Variants in ZNF100 observed in about 807,000 individuals in gnomAD.
ZNF100 encodes the protein zinc finger protein 100.
ZNF100 carries 12 observed loss-of-function variants against 15.8 expected under a neutral mutation model. The ratio of observed to expected loss-of-function variants is 0.76; its 90% CI spans 0.49 to 1.23. The LOEUF (loss-of-function observed/expected upper bound fraction) is 1.23, where lower values mean the gene tolerates loss of function less well. Ranked by LOEUF, ZNF100 falls within the 50% of genes most tolerant of loss-of-function variation. The pLI is 0.00. For missense variants in ZNF100, 670 were observed against 635.6 expected (o/e 1.05, Z -0.58); for synonymous variants, 226 against 214.8 (o/e 1.05, Z -0.45).
intron 2 of ZNF100, chr19:21,752,565 A>C (rs1226882711): frequency 2.9e-5 from 1 of 34,812 alleles, no homozygotes; most frequent in African/African-American, 6.9e-5. Flanking sequence ...AAACAAAGGA[A>C]GTATCAGTTA....
rs971681989 is a variant in ZNF100 at position 21,723,371 on chromosome 19, A to AC, written c.*3311_*3312insG. 5.3e-5 allele frequency: 8 copies of AC among 151,542 alleles called. No individual in the cohort carries two copies. Among genetic ancestry groups the AC allele is most frequent in the African/African-American group, 1.7e-4 (7 of 41,224 alleles). The allele number at this position is 151,542 out of a possible 1,614,324, so 9.4% of individuals were successfully genotyped here. On this transcript the variant is annotated 3_prime_UTR_variant, in exon 5 of 5. Transcript: ENST00000358296. ...GTGAGACTCTGTCTCAAAAAAAAAA[A>AC]AAAAAAAAAAAACAACCAACTTTCT...
At chr19:21,767,252 T>A (rs1390596865) in intron 1 of ZNF100, among the ~76,000 whole-genome samples, 175 bp downstream of exon 1, 2 of 152,036 alleles carry the variant, frequency 1.3e-5, no homozygotes, top group East Asian at 1.9e-4. Flanking sequence ...ACGCCTGGGG[T>A]CCTGGCTGTC....
rs181584559 is a variant in ZNF100 at position 21,752,327 on chromosome 19, T to C, written c.97-7260A>G. The C allele has an allele frequency of 1.8e-3, 281 of 152,912 alleles. 2 individuals are homozygous for C. The highest frequency in any genetic ancestry group is 4.7e-4 in the Non-Finnish European group (32 of 68,204). 9.5% of individuals were successfully genotyped at this position (152,912 alleles called of 1,614,324 possible). ...CTCCCCCTGCTCATTTTGCTGCATA[T>C]GCCTTTAGAATCAATGCAGTATTGC... On this transcript the variant is annotated intron_variant, in intron 2 of 4. Transcript: ENST00000358296.
At chr19:21,749,912 G>C (rs1049802824) in intron 2 of ZNF100, among the ~76,000 whole-genome samples, 7 of 152,198 alleles carry the variant, frequency 4.6e-5, no homozygotes, top group African/African-American at 1.7e-4. Context: ...GCAGAGGCCA[G>C]ACCTTATGTG....
chr19:21,742,655 T>C (rs1013489075), intron 4 of ZNF100, among the ~76,000 whole-genome samples: 1 of 151,988 alleles, frequency 6.6e-6, no homozygotes, highest in African/African-American at 2.4e-5. Context: ...AAAACATTTT[T>C]AAAAAGCCAC....
At chr19:21,739,669 C>T (rs2036074255) in intron 4 of ZNF100, among the ~76,000 whole-genome samples, 1 of 152,158 alleles carries the variant, frequency 6.6e-6, no homozygotes, top group African/African-American at 2.4e-5. Flanking sequence ...GCAACTCCAA[C>T]AATATCTAAA....
chr19:21,761,726 G>T (rs1456436023), intron 2 of ZNF100, among the ~76,000 whole-genome samples: 1 of 151,436 alleles, frequency 6.6e-6, no homozygotes, highest in African/African-American at 2.4e-5. Flanking sequence ...AGTTATTTTT[G>T]AACTTGAAGA....
At chr19:21,762,661 G>A (rs950762216) in intron 2 of ZNF100, among the ~76,000 whole-genome samples, 3 of 152,036 alleles carry the variant, frequency 2.0e-5, no homozygotes, top group Non-Finnish European at 1.5e-5. Flanking sequence ...ATTGATCTTC[G>A]TCCCACTACA....
At position 21,727,762 on chromosome 19, in the gene ZNF100, T is replaced by G. The variant is rs200390370; in HGVS notation, c.550A>C (p.Lys184Gln). Residue 184 changes from lysine (K) to glutamine (Q), a missense_variant, in exon 5 of 5, where the codon AAA (lysine) becomes CAA (glutamine). Coordinates refer to ENST00000358296, the MANE Select transcript of ZNF100 (RefSeq NM_173531.4). ...SNIFQCDPSA[K>Q]VFHTFSNSNR... ...GAATTTGAAAATGTATGAAAGACTTTTGCAGATGGATCACATTGAAATATG... is the reference window on the plus strand; with the variant it reads ...GAATTTGAAAATGTATGAAAGACTTGTGCAGATGGATCACATTGAAATATG... 1 of 1,613,916 alleles carries G rather than the reference T, an allele frequency of 6.2e-7. No individual in the cohort carries two copies. The highest frequency in any genetic ancestry group is 1.3e-5 in the African/African-American group (1 of 75,030).
rs951833415 is a variant in ZNF100 at position 21,727,650 on chromosome 19, G to A, written c.662C>T (p.Thr221Ile). The change falls in exon 5 of 5, where the codon ACT becomes ATT. Residue 221 changes from threonine (T) to isoleucine (I), a missense_variant. Physicochemically the swap from Thr to Ile is moderately conservative, Grantham distance 89. Coordinates refer to ENST00000358296, the MANE Select transcript of ZNF100 (RefSeq NM_173531.4). ...TGTAATATGAAATCTTTTATGTTGA[G>A]TTAGGTGTAAAAGCATGCAAAATGA... ...EKSFCMLLHL[T>I]QHKRFHITEN... The A allele has an allele frequency of 2.5e-6, 4 of 1,612,244 alleles. No individual in the cohort carries two copies. The highest frequency in any genetic ancestry group is 2.7e-5 in the African/African-American group (2 of 74,772).
chr19:21,756,937 C>A (rs1407905936), intron 2 of ZNF100, among the ~76,000 whole-genome samples: 1 of 152,186 alleles, frequency 6.6e-6, no homozygotes, highest in Non-Finnish European at 1.5e-5. Flanking sequence ...TAATGCCACA[C>A]ACCTCCAACT....
At chr19:21,750,348 T>C (rs1046021852) in intron 2 of ZNF100, among the ~76,000 whole-genome samples, 1 of 152,054 alleles carries the variant, frequency 6.6e-6, no homozygotes, top group African/African-American at 2.4e-5. Flanking sequence ...GCTCATTATA[T>C]AAAAACAGCA....
chr19:21,742,294 C>G (rs1322740970), intron 4 of ZNF100, among the ~76,000 whole-genome samples: 2 of 136,962 alleles, frequency 1.5e-5, no homozygotes, highest in Non-Finnish European at 3.1e-5. Context: ...AAGACTCTGT[C>G]CCCCACCCAA....
chr19:21,763,423 C>T (rs961000475), intron 2 of ZNF100, among the ~76,000 whole-genome samples: 3 of 152,114 alleles, frequency 2.0e-5, no homozygotes, highest in African/African-American at 7.2e-5. Flanking sequence ...AACCCCGTCT[C>T]TACTAAAAAC....
In ZNF100 at chr19:21,767,555, T is replaced by G. The variant is rs950200537; in HGVS notation, c.-126A>C. ...GAGAAGTGAGAGCAAAACCTGGAGC[T>G]CCGGCTACAGCGAGAGACAAAGACC... On this transcript the variant is annotated 5_prime_UTR_variant, in exon 1 of 5. Coordinates refer to ENST00000358296, the MANE Select transcript of ZNF100 (RefSeq NM_173531.4). 3.6e-5 allele frequency: 51 copies of G among 1,411,742 alleles called. No homozygotes were observed. The highest frequency in any genetic ancestry group is 4.5e-5 in the Non-Finnish European group (47 of 1,036,582). 87.5% of individuals were successfully genotyped at this position (1,411,742 alleles called of 1,614,324 possible).
At chr19:21,748,786 A>C (rs74167882) in intron 2 of ZNF100, among the ~76,000 whole-genome samples, 14,216 of 152,080 alleles carry the variant, frequency 0.093, 896 homozygotes, top group South Asian at 0.18. Flanking sequence ...CTCAACGCAA[A>C]CTCTACCTCC....
At chr19:21,767,256 G>A (rs36097084) in intron 1 of ZNF100, among the ~76,000 whole-genome samples, 171 bp downstream of exon 1, 12,614 of 152,236 alleles carry the variant, frequency 0.083, 645 homozygotes, top group South Asian at 0.17. Context: ...CTGGGGTCCT[G>A]GCTGTCAGCG....
At chr19:21,739,171 C>T (rs561453790) in intron 4 of ZNF100, among the ~76,000 whole-genome samples, 1 of 152,268 alleles carries the variant, frequency 6.6e-6, no homozygotes, top group Admixed American at 6.5e-5. Flanking sequence ...ACAAACTAGG[C>T]TTAACAGACA....
At chr19:21,730,839 A>G (rs968001731) in intron 4 of ZNF100, among the ~76,000 whole-genome samples, 2 of 152,176 alleles carry the variant, frequency 1.3e-5, no homozygotes, top group African/African-American at 4.8e-5. Context: ...ACAATAATAG[A>G]AAAACAATTA....
Sources: gnomAD v4.1 joint callset for allele counts (sites outside exome capture counted in the v4.1 genomes callset) on GRCh38, gnomAD v4.1.1 for gene constraint, MANE v1.5 for transcripts, NCBI Gene and HGNC (gene_info 2026-07-23, HGNC 2026-07-21) for gene names.